Variants in ZNF704 observed in about 807,000 individuals in gnomAD.
ZNF704 encodes glucocorticoid induced gene 1.
Under a neutral mutation model 44.7 loss-of-function variants are expected in ZNF704, and 10 were observed. The observed-to-expected ratio is 0.22, with a 90% CI of 0.14 to 0.38. The LOEUF (loss-of-function observed/expected upper bound fraction) is 0.38. ZNF704 is among the 10% of genes least tolerant of loss of function. The probability of loss-of-function intolerance (pLI) is 1.00; values close to 1 mark genes in which losing one functional copy is unlikely to be tolerated. For synonymous variants in ZNF704, 211 were observed against 207.6 expected, an observed-to-expected ratio of 1.02 and a Z score of -0.14; for missense variants, 390 against 545.5, an observed-to-expected ratio of 0.71 and a Z score of 2.84.
At chr8:80,765,996 T>C (rs899288450) in intron 2 of ZNF704, among the ~76,000 whole-genome samples, 3 of 152,326 alleles carry the variant, frequency 2.0e-5, no homozygotes, top group Admixed American at 2.0e-4. Context: ...TGATTTCATT[T>C]AGCAATTAAA....
chr8:80,790,659 A>C (rs956322732), intron 2 of ZNF704, among the ~76,000 whole-genome samples: 4 of 152,104 alleles, frequency 2.6e-5, no homozygotes, highest in Admixed American at 2.0e-4. Flanking sequence ...GAATAGGAAG[A>C]CCAGCTGAAA....
At chr8:80,842,526 C>T (rs1279934271) in intron 1 of ZNF704, among the ~76,000 whole-genome samples, 3 of 152,136 alleles carry the variant, frequency 2.0e-5, no homozygotes, top group Admixed American at 1.3e-4. Context: ...GAGAACAGGG[C>T]TTTGCTTAAA....
rs565195378 is a variant in ZNF704, at chr8:80,801,068, G to A, written c.221+20306C>T. Among the ~76,000 whole-genome samples, 10 of 152,168 alleles carry A rather than the reference G, an allele frequency of 6.6e-5. 1 individual carries two copies. In the South Asian group the frequency reaches 2.1e-3, roughly 32 times the overall value. On this transcript the variant is annotated intron_variant, in intron 2 of 8. Transcript: ENST00000327835. Reference sequence around the variant, plus strand: ...CAAAGCTCAAAAAAGACAAAGAAGGGCATTCCATAATGGTAATGGTAAAGC... The same window carrying A: ...CAAAGCTCAAAAAAGACAAAGAAGGACATTCCATAATGGTAATGGTAAAGC...
intron 7 of ZNF704, among the ~76,000 whole-genome samples, chr8:80,656,718 G>T (rs1197377892): frequency 1.3e-5 from 2 of 152,114 alleles, no homozygotes; most frequent in Non-Finnish European, 2.9e-5. Context: ...TCAGAAAGGG[G>T]TTTTTCTCAC....
At chr8:80,752,787 C>G (rs948293648) in intron 2 of ZNF704, among the ~76,000 whole-genome samples, 1 of 152,102 alleles carries the variant, frequency 6.6e-6, no homozygotes, top group African/African-American at 2.4e-5. Flanking sequence ...GTGATCTGCC[C>G]GCCTTGGCCT....
chr8:80,748,833 G>C (rs1304040266), intron 2 of ZNF704, among the ~76,000 whole-genome samples: 1 of 152,226 alleles, frequency 6.6e-6, no homozygotes, highest in East Asian at 1.9e-4. Context: ...ATGTTCTCCA[G>C]CTTCTAGGCC....
At chr8:80,720,688 C>T (rs1328074326) in intron 2 of ZNF704, among the ~76,000 whole-genome samples, 3 of 152,232 alleles carry the variant, frequency 2.0e-5, no homozygotes, top group Non-Finnish European at 4.4e-5. Context: ...TCATTCCCCA[C>T]GAGGGTAAAG....
At chr8:80,664,757 TG>T in intron 6 of ZNF704, 57 bp downstream of exon 6, 1 of 1,602,098 alleles carries the variant, frequency 6.2e-7, no homozygotes, top group Non-Finnish European at 8.5e-7. Context: ...ATAGGCCAGA[TG>T]GCCCCTGGTT....
At chr8:80,814,062 A>G (rs999630765) in intron 2 of ZNF704, 3 of 152,156 alleles carry the variant, frequency 2.0e-5, no homozygotes, top group Non-Finnish European at 4.4e-5. Flanking sequence ...ATCTACAGGC[A>G]CTTGGCAGGA....
chr8:80,794,010 AAGT>A (rs1807757101), intron 2 of ZNF704, among the ~76,000 whole-genome samples: 1 of 152,204 alleles, frequency 6.6e-6, no homozygotes, highest in South Asian at 2.1e-4. Context: ...ACATCATAAG[AAGT>A]GCTGCATATA....
intron 2 of ZNF704, among the ~76,000 whole-genome samples, chr8:80,724,437 T>C (rs1162632040): frequency 2.0e-5 from 3 of 152,250 alleles, no homozygotes; most frequent in Non-Finnish European, 4.4e-5. Context: ...AGTTCACTTA[T>C]GACAAATATA....
At chr8:80,856,607 T>C (rs1453010151) in intron 1 of ZNF704, among the ~76,000 whole-genome samples, 1 of 152,186 alleles carries the variant, frequency 6.6e-6, no homozygotes, top group Non-Finnish European at 1.5e-5. Context: ...TCCAGATGAA[T>C]AGTCTTTCCA....
chr8:80,775,826 A>G (rs1178695617), intron 2 of ZNF704, among the ~76,000 whole-genome samples: 1 of 152,204 alleles, frequency 6.6e-6, no homozygotes, highest in Non-Finnish European at 1.5e-5. Flanking sequence ...ACTGCCTTAC[A>G]TGGGAGACTG....
At chr8:80,666,054 G>A (rs1054313115) in intron 5 of ZNF704, among the ~76,000 whole-genome samples, 1 of 151,628 alleles carries the variant, frequency 6.6e-6, no homozygotes, top group East Asian at 1.9e-4. Flanking sequence ...GTGCTGGTGC[G>A]CTGCACCCAC....
In ZNF704 at chr8:80,633,431, A is replaced by G. The variant is rs1216658332; in HGVS notation, c.*7935T>C. 1 of 152,244 alleles carries G rather than the reference A, an allele frequency of 6.6e-6. No homozygotes were observed. The highest frequency in any genetic ancestry group is 1.9e-4 in the East Asian group (1 of 5,198). The allele number at this position is 152,244 out of a possible 1,614,324, so 9.4% of individuals were successfully genotyped here. ...AAAGGGATTCATCTGGGGATAAATC[A>G]GTTTGCACTTGGCAACATGACTGAG... On this transcript the variant is annotated 3_prime_UTR_variant, in exon 9 of 9. Coordinates refer to ENST00000327835, the MANE Select transcript of ZNF704 (RefSeq NM_001033723.3).
At chr8:80,819,493 A>G (rs1808230040) in intron 2 of ZNF704, among the ~76,000 whole-genome samples, 1 of 151,932 alleles carries the variant, frequency 6.6e-6, no homozygotes, top group South Asian at 2.1e-4. Flanking sequence ...GTCCTATAGA[A>G]TTGCAAGTTG....
At chr8:80,786,655 G>A (rs943566767) in intron 2 of ZNF704, among the ~76,000 whole-genome samples, 1 of 152,184 alleles carries the variant, frequency 6.6e-6, no homozygotes, top group Non-Finnish European at 1.5e-5. Context: ...TTATCATAAA[G>A]AGAAATGTGC....
chr8:80,737,263 A>G (rs953587819), intron 2 of ZNF704, among the ~76,000 whole-genome samples: 7 of 152,196 alleles, frequency 4.6e-5, no homozygotes, highest in Non-Finnish European at 8.8e-5. Flanking sequence ...GCTCTGGTTC[A>G]AGGTTTCTCA....
intron 2 of ZNF704, among the ~76,000 whole-genome samples, chr8:80,744,573 CT>C (rs951881472): frequency 2.0e-5 from 3 of 152,158 alleles, no homozygotes; most frequent in African/African-American, 7.2e-5. Flanking sequence ...CGTGTCATCC[CT>C]GCTAAGTTTG....
Sources: gnomAD v4.1 joint callset for allele counts (sites outside exome capture counted in the v4.1 genomes callset) on GRCh38, gnomAD v4.1.1 for gene constraint, MANE v1.5 for transcripts, NCBI Gene and HGNC (gene_info 2026-07-23, HGNC 2026-07-21) for gene names.